Variants in TNPO1 observed in about 807,000 individuals in gnomAD.
TNPO1 encodes the protein transportin 1.
TNPO1 carries 8 observed loss-of-function variants against 119.5 expected under a neutral mutation model. The observed-to-expected ratio is 0.07, with a 90% confidence interval of 0.04 to 0.12. The LOEUF (loss-of-function observed/expected upper bound fraction) is 0.12, where lower values mean the gene tolerates loss of function less well. Among genes scored for constraint, TNPO1 ranks in the 10% least tolerant of loss-of-function variants. The pLI is 1.00. For synonymous variants in TNPO1, 362 were observed against 363.0 expected, an observed-to-expected ratio of 1.00 and a Z score of 0.03; for missense variants, 576 against 1,089.8, an observed-to-expected ratio of 0.53 and a Z score of 6.64.
chr5:72,848,097 G>C, intron 1 of TNPO1: 1 of 1,111,240 alleles, frequency 9.0e-7, no homozygotes, highest in Non-Finnish European at 1.1e-6. Context: ...AGCGGATCTT[G>C]GGGCCAGATT....
intron 1 of TNPO1, among the ~76,000 whole-genome samples, chr5:72,835,827 A>AT (rs1744672780): frequency 6.6e-6 from 1 of 152,222 alleles, no homozygotes; most frequent in Admixed American, 6.5e-5. Context: ...TCTAAATCAG[A>AT]TATGAGTGAG....
rs982948701 is a variant in TNPO1, at chr5:72,877,355, TCCCTCTTATAA to T, written c.920+10_920+20del. On this transcript the variant is annotated intron_variant, in intron 9 of 24. Transcript: ENST00000337273. ...GTAAGGCATCTTCCTAAGTAAGTGT[TCCCTCTTATAA>T]ATGCTGCCTTGTTCTTTAATTTCTT... is the stretch of plus-strand genomic sequence containing the variant. 7.0e-7 allele frequency: 1 copy of T among 1,424,104 alleles called. No homozygotes were observed. The highest frequency in any genetic ancestry group is 9.8e-7 in the Non-Finnish European group (1 of 1,016,522). The allele number at this position is 1,424,104 out of a possible 1,614,324, so 88.2% of individuals were successfully genotyped here.
At chr5:72,848,124 T>G in intron 1 of TNPO1, 1 of 1,159,964 alleles carries the variant, frequency 8.6e-7, no homozygotes, top group Non-Finnish European at 1.1e-6. Context: ...TCGCGGTGAC[T>G]CAGTCTGGTC....
At chr5:72,892,967 A>G (rs567779179) in intron 15 of TNPO1, among the ~76,000 whole-genome samples, 172 bp from the exon 16 acceptor site, 1 of 122,172 alleles carries the variant, frequency 8.2e-6, no homozygotes, top group South Asian at 2.9e-4. Flanking sequence ...ACTAACAACA[A>G]TGAATGGCTT....
At chr5:72,889,608 C>G (rs1422130650) in intron 13 of TNPO1, among the ~76,000 whole-genome samples, 178 bp from the exon 14 acceptor site, 1 of 152,042 alleles carries the variant, frequency 6.6e-6, no homozygotes, top group Non-Finnish European at 1.5e-5. Flanking sequence ...ATGGCAAGTG[C>G]TATGGAAGAA....
chr5:72,858,042 TTAAG>T (rs1746138918), intron 4 of TNPO1, among the ~76,000 whole-genome samples: 3 of 152,360 alleles, frequency 2.0e-5, no homozygotes, highest in Admixed American at 1.3e-4. Flanking sequence ...TTAGTTTATG[TTAAG>T]TAGATACTTA....
chr5:72,824,069 G>A (rs184422572), intron 1 of TNPO1, among the ~76,000 whole-genome samples: 174 of 152,230 alleles, frequency 1.1e-3, no homozygotes, highest in African/African-American at 3.6e-3. Flanking sequence ...AAGGGTCTGC[G>A]CAGCATCTGC....
At position 72,821,669 on chromosome 5, in the gene TNPO1, G is replaced by C. The variant is rs184137603; in HGVS notation, c.15+4917G>C. Among the ~76,000 whole-genome samples the C allele has an allele frequency of 1.1e-3, 163 of 152,230 alleles. 2 individuals are homozygous for C. The highest frequency in any genetic ancestry group is 2.8e-4 in the Non-Finnish European group (19 of 68,006). The stretch of plus-strand genomic sequence containing the variant: ...AGATTTACATACTAGTGGAGAAAGA[G>C]ATATGTAAATAAACAAGTTCAATAA... On this transcript the variant is annotated intron_variant, in intron 1 of 24. Coordinates refer to ENST00000337273, the MANE Select transcript of TNPO1 (RefSeq NM_002270.4).
At chr5:72,887,302 G>C (rs62363385) in intron 12 of TNPO1, 80 bp downstream of exon 12, 8 of 1,037,128 alleles carry the variant, frequency 7.7e-6, no homozygotes, top group Non-Finnish European at 1.0e-5. Flanking sequence ...CTACTTTAAG[G>C]AATTTCTATT....
chr5:72,907,166 A>C (rs554990140), intron 24 of TNPO1, among the ~76,000 whole-genome samples: 54 of 152,280 alleles, frequency 3.5e-4, no homozygotes, highest in Admixed American at 1.6e-3. Context: ...GCTGTTTTCC[A>C]AAATGGCTTT....
intron 11 of TNPO1, among the ~76,000 whole-genome samples, chr5:72,886,050 T>A (rs1748599958): frequency 6.6e-6 from 1 of 152,028 alleles, no homozygotes; most frequent in Non-Finnish European, 1.5e-5. Context: ...CCTTAAGACC[T>A]AATCATCTCT....
chr5:72,880,425 A>C (rs1748152149), intron 9 of TNPO1, among the ~76,000 whole-genome samples: 1 of 151,758 alleles, frequency 6.6e-6, no homozygotes, highest in Non-Finnish European at 1.5e-5. Context: ...TGTTGTGTGG[A>C]TTTTCCATGT....
intron 1 of TNPO1, among the ~76,000 whole-genome samples, chr5:72,843,310 AT>A (rs1443286447): frequency 6.6e-6 from 1 of 152,140 alleles, no homozygotes; most frequent in Non-Finnish European, 1.5e-5. Flanking sequence ...AATAAAAACT[AT>A]GGCCAGGCAG....
intron 12 of TNPO1, 113 bp from the exon 13 acceptor site, chr5:72,887,965 T>C: frequency 1.0e-6 from 1 of 977,202 alleles, no homozygotes; most frequent in Non-Finnish European, 1.5e-6. Context: ...GTAGTATGTG[T>C]ATAGCAGTAG....
chr5:72,845,303 A>ATTTAATGTAGTTTACT (rs1343961501), intron 1 of TNPO1, among the ~76,000 whole-genome samples: 1 of 152,188 alleles, frequency 6.6e-6, no homozygotes. Context: ...CTATTTAATT[A>ATTTAATGTAGTTTACT]ATATAAATGT....
At chr5:72,856,824 AC>A (rs1746035693) in intron 4 of TNPO1, among the ~76,000 whole-genome samples, 1 of 152,190 alleles carries the variant, frequency 6.6e-6, no homozygotes, top group Non-Finnish European at 1.5e-5. Flanking sequence ...ATTTGGAAAC[AC>A]ACACAACTGG....
chr5:72,863,151 G>GGCTTCCAA (rs1746610520), intron 5 of TNPO1, among the ~76,000 whole-genome samples: 1 of 151,878 alleles, frequency 6.6e-6, no homozygotes, highest in Non-Finnish European at 1.5e-5. Context: ...TTAATTAGCA[G>GGCTTCCAA]GCTTCCAATT....
At chr5:72,864,852 ACC>A (rs1279435425) in intron 5 of TNPO1, among the ~76,000 whole-genome samples, 1 of 151,608 alleles carries the variant, frequency 6.6e-6, no homozygotes, top group Non-Finnish European at 1.5e-5. Context: ...CAGGTAATCC[ACC>A]CGCGTCGGCC....
chr5:72,909,997 A>G lies in TNPO1; in HGVS notation c.*1324A>G, dbSNP rs1315458859. The G allele has an allele frequency of 6.6e-6, 1 of 152,658 alleles. No individual in the cohort carries two copies. Among genetic ancestry groups the G allele is most frequent in the South Asian group, 2.1e-4 (1 of 4,834 alleles). The allele number at this position is 152,658 out of a possible 1,614,324, so 9.5% of individuals were successfully genotyped here. On this transcript the variant is annotated 3_prime_UTR_variant, in exon 25 of 25. Coordinates refer to ENST00000337273, the MANE Select transcript of TNPO1 (RefSeq NM_002270.4). ...AAAGGCTGCATAAATGTTAGTTGGC[A>G]CATAAAGACAATTGTAGAAGTTGAA...
Sources: gnomAD v4.1 joint callset for allele counts (sites outside exome capture counted in the v4.1 genomes callset) on GRCh38, gnomAD v4.1.1 for gene constraint, MANE v1.5 for transcripts, NCBI Gene and HGNC (gene_info 2026-07-23, HGNC 2026-07-21) for gene names.